SLC6A20: variants seen among roughly 807,000 people sequenced by gnomAD.
SLC6A20 encodes the protein solute carrier family 6 member 20.
In SLC6A20, 73 loss-of-function variants were observed where a neutral mutation model predicts 64.3. That is an observed-to-expected ratio of 1.14 (90% confidence interval 0.94 to 1.38). The LOEUF (loss-of-function observed/expected upper bound fraction) is 1.38, where lower values mean the gene tolerates loss of function less well. Ranked by LOEUF, SLC6A20 falls within the 40% of genes most tolerant of loss-of-function variation. The probability of loss-of-function intolerance (pLI) is 0.00; values close to 1 mark genes in which losing one functional copy is unlikely to be tolerated. For missense variants in SLC6A20, 725 were observed against 772.8 expected, an observed-to-expected ratio of 0.94 and a Z score of 0.73; for synonymous variants, 347 against 329.6, an observed-to-expected ratio of 1.05 and a Z score of -0.57.
In SLC6A20 at chr3:45,759,953, G is replaced by A. The variant is rs755465637; in HGVS notation, c.1533C>T (p.Gly511=). 55 of 1,614,040 alleles carry A rather than the reference G, an allele frequency of 3.4e-5. No individual in the cohort carries two copies. The highest frequency in any genetic ancestry group is 1.6e-4 in the Middle Eastern group (1 of 6,084). The part of the protein sequence containing the change: ...VSWYWKVMWA[G]VSPLLIVSLF... Reference sequence around the variant, plus strand: ...GGCTGACAATCAGCAGTGGGCTTACGCCAGCCCACATCACCTTCCAGTACC... The same window carrying A: ...GGCTGACAATCAGCAGTGGGCTTACACCAGCCCACATCACCTTCCAGTACC... Residue 511 remains glycine, a synonymous_variant, in exon 10 of 11, where the codon GGC becomes GGT. Coordinates refer to ENST00000358525, the MANE Select transcript of SLC6A20 (RefSeq NM_020208.4).
Position 45,780,031 on chromosome 3 carries a change from C to A in SLC6A20, c.332G>T (p.Trp111Leu). 6.2e-7 allele frequency: 1 copy of A among 1,604,514 alleles called. No individual in the cohort carries two copies. Among genetic ancestry groups the A allele is most frequent in the Non-Finnish European group, 8.5e-7 (1 of 1,175,438 alleles). Reference sequence around the variant, plus strand: ...CACCTGGAAGGAGTGGAAGAGGTACCAGAAGGCCCAGGCGTTGATGACGTT... The same window carrying A: ...CACCTGGAAGGAGTGGAAGAGGTACAAGAAGGCCCAGGCGTTGATGACGTT... Reference protein sequence around the residue: ...YYNVINAWAFWYLFHSFQDPL... With the variant: ...YYNVINAWAFLYLFHSFQDPL... The change falls in exon 3 of 11, where the codon TGG (tryptophan) becomes TTG (leucine). Residue 111 changes from tryptophan (W) to leucine (L), a missense_variant. Transcript: ENST00000358525.
intron 1 of SLC6A20, among the ~76,000 whole-genome samples, chr3:45,785,922 G>A (rs1259959985): frequency 6.6e-6 from 1 of 152,064 alleles, no homozygotes; most frequent in Non-Finnish European, 1.5e-5. Flanking sequence ...AGACAGCCAT[G>A]TACAGATACC....
In SLC6A20 at chr3:45,756,335, G is replaced by A. The variant is rs1403287144; in HGVS notation, c.*2643C>T. 1 of 152,216 alleles carries A rather than the reference G, an allele frequency of 6.6e-6. No homozygotes were observed. The highest frequency in any genetic ancestry group is 1.5e-5 in the Non-Finnish European group (1 of 68,052). The allele number at this position is 152,216 out of a possible 1,614,324, so 9.4% of individuals were successfully genotyped here. ...ATCCTCCAGGATTCAGAGCAGACTCGGTGCTGTGTTTGCCATTGAGTGTGC... is the reference window on the plus strand; with the variant it reads ...ATCCTCCAGGATTCAGAGCAGACTCAGTGCTGTGTTTGCCATTGAGTGTGC... On this transcript the variant is annotated 3_prime_UTR_variant, in exon 11 of 11. Transcript: ENST00000358525.
chr3:45,759,288 T>C (rs1461827342), intron 10 of SLC6A20, among the ~76,000 whole-genome samples, 161 bp from the exon 11 acceptor site: 1 of 152,238 alleles, frequency 6.6e-6, no homozygotes, highest in Non-Finnish European at 1.5e-5. Context: ...CACTAGCAAA[T>C]GTGCCAGGAG....
In SLC6A20 at chr3:45,765,751, GT is replaced by G; in HGVS notation, c.1099-11del. On this transcript the variant is annotated splice_polypyrimidine_tract_variant and intron_variant, in intron 7 of 10. Transcript: ENST00000358525. This position sits in a 1 kb window ranked among gnomAD's most constrained non-coding sequence, Gnocchi z 4.2. ...CAGTGCCCTGGACGGCCTGCCCAGG[GT>G]GAGAAGACACCAGTTACATGCAAGA... The G allele has an allele frequency of 3.7e-6, 6 of 1,614,132 alleles. No homozygotes were observed. Among genetic ancestry groups the G allele is most frequent in the Non-Finnish European group, 5.1e-6 (6 of 1,180,028 alleles).
intron 8 of SLC6A20, among the ~76,000 whole-genome samples, chr3:45,764,395 G>A (rs757863098): frequency 2.6e-5 from 4 of 152,156 alleles, no homozygotes; most frequent in South Asian, 2.1e-4. Context: ...ATAGGACTTC[G>A]TTCATATGAA....
chr3:45,770,138 T>TCAGCA (rs1331667468), intron 7 of SLC6A20, 71 bp downstream of exon 7: 1 of 1,587,738 alleles, frequency 6.3e-7, no homozygotes, highest in East Asian at 2.2e-5. Flanking sequence ...ATCTCCCAAG[T>TCAGCA]CAGCAGCTCA....
In SLC6A20 at chr3:45,778,302, T is replaced by G. The variant is rs371779605; in HGVS notation, c.354+1707A>C. On this transcript the variant is annotated intron_variant, in intron 3 of 10. Transcript: ENST00000358525. ...AGTGTGCTCAGCCTCGTGGGGTGGCTGTTTTGATTACATGAGTGAACACTT... is the reference window on the plus strand; with the variant it reads ...AGTGTGCTCAGCCTCGTGGGGTGGCGGTTTTGATTACATGAGTGAACACTT... Among the ~76,000 whole-genome samples, 8 of 152,294 alleles carry G rather than the reference T, an allele frequency of 5.3e-5. No homozygotes were observed. In the South Asian group the frequency reaches 1.7e-3, roughly 32 times the overall value.
chr3:45,775,318 CA>C (rs1699945786), intron 4 of SLC6A20, among the ~76,000 whole-genome samples: 1 of 152,116 alleles, frequency 6.6e-6, no homozygotes, highest in African/African-American at 2.4e-5. Context: ...CTGGTTACTG[CA>C]GAATTTTGGG....
chr3:45,763,493 G>T (rs1699721574), intron 8 of SLC6A20, among the ~76,000 whole-genome samples: 2 of 152,052 alleles, frequency 1.3e-5, no homozygotes, highest in African/African-American at 4.8e-5. Flanking sequence ...AATATGGAGT[G>T]GCCCCATCAG....
Position 45,765,657 on chromosome 3 carries a change from A to C in SLC6A20, c.1183T>G (p.Tyr395Asp). ...MEVSQLWSVL[Y>D]FFMLLMLGIG... ...CCCAGCATCAGCAGCATGAAGAAGT[A>C]GAGCACCGACCACAGCTGGGACACC... The change falls in exon 8 of 11, where the codon TAC (tyrosine) becomes GAC (aspartate). Residue 395 changes from tyrosine to aspartate, a missense_variant. By Grantham distance (160) the Tyr-to-Asp change is radical. Coordinates refer to ENST00000358525, the MANE Select transcript of SLC6A20 (RefSeq NM_020208.4). This position sits in a 1 kb window ranked among gnomAD's most constrained non-coding sequence, Gnocchi z 4.2. 1 of 1,614,214 alleles carries C rather than the reference A, an allele frequency of 6.2e-7. No individual in the cohort carries two copies. Among genetic ancestry groups the C allele is most frequent in the East Asian group, 2.2e-5 (1 of 44,882 alleles).
chr3:45,789,597 A>G (rs1700216951), intron 1 of SLC6A20, among the ~76,000 whole-genome samples: 1 of 77,838 alleles, frequency 1.3e-5, no homozygotes, highest in Non-Finnish European at 2.5e-5. Context: ...GATTAAAATA[A>G]GTTAATTTTG....
Position 45,770,333 on chromosome 3 carries a change from T to C in SLC6A20, c.974A>G (p.Asp325Gly). The change falls in exon 7 of 11, where the codon GAT becomes GGT. Residue 325 changes from aspartate (D) to glycine (G), a missense_variant. Asp to Gly is a moderately conservative substitution (Grantham distance 94, BLOSUM62 -1). Transcript: ENST00000358525. Reference sequence around the variant, plus strand: ...CAGGTTGCTGGCTGTCAAAAAGCCATCTTCAAGGTCAAAAGTGTTGGTCAG... The same window carrying C: ...CAGGTTGCTGGCTGTCAAAAAGCCACCTTCAAGGTCAAAAGTGTTGGTCAG... ...LLLTNTFDLE[D>G]GFLTASNLEQ... 6.2e-7 allele frequency: 1 copy of C among 1,614,188 alleles called. No homozygotes were observed. The highest frequency in any genetic ancestry group is 1.3e-5 in the African/African-American group (1 of 75,062).
At chr3:45,783,370 T>G (rs146145845) in intron 1 of SLC6A20, among the ~76,000 whole-genome samples, 63 of 152,366 alleles carry the variant, frequency 4.1e-4, no homozygotes, top group African/African-American at 1.4e-3. Context: ...TATGCTTACA[T>G]GAACATCTAA....
rs1013522036 is a variant in SLC6A20 at position 45,759,918 on chromosome 3, A to G, written c.1568T>C (p.Phe523Ser). Residue 523 changes from phenylalanine (F) to serine (S), a missense_variant, in exon 10 of 11, where the codon TTC becomes TCC. By Grantham distance (155) the Phe-to-Ser change is radical. Coordinates refer to ENST00000358525, the MANE Select transcript of SLC6A20 (RefSeq NM_020208.4). ...SPLLIVSLFV[F>S]YLSDYILTGT... ...CGTGAGGATGTAGTCGCTCAGGTAG[A>G]AGACAAAGAGGCTGACAATCAGCAG... 17 of 1,614,090 alleles carry G rather than the reference A, an allele frequency of 1.1e-5. No individual in the cohort carries two copies. The highest frequency in any genetic ancestry group is 1.3e-5 in the African/African-American group (1 of 74,940).
intron 5 of SLC6A20, chr3:45,771,849 G>C (rs1699875174): frequency 8.3e-6 from 2 of 241,678 alleles, no homozygotes; most frequent in Non-Finnish European, 1.6e-5. Flanking sequence ...ATGGGGCCCT[G>C]ATTCATAGGC....
chr3:45,764,708 C>CAA lies in SLC6A20; in HGVS notation c.1303+827_1303+828dup, dbSNP rs71288017. On this transcript the variant is annotated intron_variant, in intron 8 of 10. Transcript: ENST00000358525. ...CAGAGTGAGACTGTTTCTTTAAAAA[C>CAA]AAAAAAAAAAAAAAAAGGAAAAAAA... is the stretch of plus-strand genomic sequence containing the variant. 9.5e-3 allele frequency among the ~76,000 whole-genome samples: 1,020 copies of CAA among 107,258 alleles called. 5 individuals are homozygous for CAA. Among genetic ancestry groups the CAA allele is most frequent in the Non-Finnish European group, 0.011 (579 of 52,748 alleles). The allele number at this position is 107,258 out of a possible 152,430, so 70.4% of individuals were successfully genotyped here.
At chr3:45,761,961 A>T (rs1341462777) in intron 9 of SLC6A20, among the ~76,000 whole-genome samples, 1 of 152,134 alleles carries the variant, frequency 6.6e-6, no homozygotes, top group Non-Finnish European at 1.5e-5. Flanking sequence ...GAGTGTTGTC[A>T]ATGTCTCCCT....
At chr3:45,760,562 GC>G (rs1699655527) in intron 9 of SLC6A20, among the ~76,000 whole-genome samples, 1 of 152,166 alleles carries the variant, frequency 6.6e-6, no homozygotes, top group Admixed American at 6.5e-5. Flanking sequence ...CGTAGCCCTG[GC>G]CTGCTGGAGC....
Sources: gnomAD v4.1 joint callset for allele counts (sites outside exome capture counted in the v4.1 genomes callset) on GRCh38, gnomAD v4.1.1 for gene constraint, Gnocchi (gnomAD v3.1) non-coding constraint, MANE v1.5 for transcripts, NCBI Gene and HGNC (gene_info 2026-07-23, HGNC 2026-07-21) for gene names.